The following ROBO2 variants were observed in gnomAD, a reference collection of about 807,000 sequenced individuals.
ROBO2 encodes roundabout homolog 2.
ROBO2 carries 53 observed loss-of-function variants against 160.8 expected under a neutral mutation model. The observed-to-expected ratio is 0.33, with a 90% CI of 0.26 to 0.41. The LOEUF (loss-of-function observed/expected upper bound fraction) is 0.41, where lower values mean the gene tolerates loss of function less well. ROBO2 is among the 10% of genes least tolerant of loss of function. The pLI is 1.00. For synonymous variants in ROBO2, 664 were observed against 611.7 expected (o/e 1.09, Z -1.26); for missense variants, 1,577 against 1,722.4 (o/e 0.92, Z 1.49).
chr3:76,212,214 T>C (rs1703189034), intron 2 of ROBO2, among the ~76,000 whole-genome samples: 1 of 152,024 alleles, frequency 6.6e-6, no homozygotes, highest in Non-Finnish European at 1.5e-5. Flanking sequence ...TCAGACATAA[T>C]TCTGTGTTTA....
chr3:76,590,627 T>C (rs1051132279), intron 2 of ROBO2, among the ~76,000 whole-genome samples: 1 of 152,144 alleles, frequency 6.6e-6, no homozygotes, highest in Admixed American at 6.5e-5. Flanking sequence ...ATCTGCTCAA[T>C]ACATTTTCAG....
chr3:75,987,990 G>GTT lies in ROBO2; in HGVS notation c.109+50394_109+50395dup, dbSNP rs35480220. 1.5e-3 allele frequency among the ~76,000 whole-genome samples: 226 copies of GTT among 151,718 alleles called. No individual in the cohort carries two copies. In the East Asian group the frequency reaches 0.017, roughly 11 times the overall value. ...AGATATTGGTCTGTTGTGTTTTCTT[G>GTT]TTTTTTTGTTTTTTGCAATGTCTTT... On this transcript the variant is annotated intron_variant, in intron 2 of 26. Coordinates refer to the ROBO2 transcript ENST00000487694.
At chr3:77,530,898 A>G (rs2153634597) in intron 6 of ROBO2, among the ~76,000 whole-genome samples, 1 of 152,156 alleles carries the variant, frequency 6.6e-6, no homozygotes, top group South Asian at 2.1e-4. Context: ...AATTGGGAAA[A>G]ATATCTTGCT....
chr3:77,627,868 AC>A (rs1209598445), intron 23 of ROBO2, among the ~76,000 whole-genome samples: 1 of 152,170 alleles, frequency 6.6e-6, no homozygotes, highest in Non-Finnish European at 1.5e-5. Flanking sequence ...TAAAGCACAG[AC>A]TTTAGCTTAA....
In ROBO2 at chr3:77,399,176, A is replaced by G. The variant is rs140084630; in HGVS notation, c.389-78238A>G. 3.2e-3 allele frequency among the ~76,000 whole-genome samples: 487 copies of G among 152,280 alleles called. 2 individuals carry two copies. The highest frequency in any genetic ancestry group is 0.011 in the African/African-American group (471 of 41,566). On this transcript the variant is annotated intron_variant, in intron 2 of 25. Coordinates refer to ENST00000461745, the Ensembl canonical transcript of ROBO2. ...AATACTTGGGGCAGTAAATGATTCT[A>G]GAAAGGCACTTAAAACAGTTAACTA...
intron 2 of ROBO2, among the ~76,000 whole-genome samples, chr3:76,859,101 A>G (rs2070456991): frequency 6.6e-6 from 1 of 152,198 alleles, no homozygotes; most frequent in South Asian, 2.1e-4. Flanking sequence ...TATGGGCATC[A>G]CTTGCATAAA....
In ROBO2 at chr3:77,106,532, T is replaced by C. The variant is rs540991279; in HGVS notation, c.388+8192T>C. Among the ~76,000 whole-genome samples the C allele has an allele frequency of 2.0e-5, 3 of 152,290 alleles. No individual in the cohort carries two copies. The East Asian group carries it at 5.8e-4, about 29-fold the overall frequency. On this transcript the variant is annotated intron_variant, in intron 2 of 25. Coordinates refer to ENST00000461745, the Ensembl canonical transcript of ROBO2. ...CAATTTCCCTTCTTTAGATCTATAA[T>C]TACTTAAGGAAGGTTACACTTCTTT...
intron 2 of ROBO2, among the ~76,000 whole-genome samples, chr3:76,317,520 A>T (rs2072135541): frequency 6.6e-6 from 1 of 152,166 alleles, no homozygotes; most frequent in Admixed American, 6.5e-5. Context: ...GGAATCTGGA[A>T]ACTGAACTGT....
intron 6 of ROBO2, among the ~76,000 whole-genome samples, chr3:77,537,108 G>C (rs112265095): frequency 0.017 from 2,450 of 140,850 alleles, 87 homozygotes; most frequent in African/African-American, 0.056. Flanking sequence ...GTGGGGGGGG[G>C]GTGTATTACA....
intron 2 of ROBO2, among the ~76,000 whole-genome samples, chr3:76,304,667 G>A (rs573746728): frequency 6.6e-6 from 1 of 152,150 alleles, no homozygotes; most frequent in African/African-American, 2.4e-5. Flanking sequence ...AGCTAAGTTT[G>A]CCCTGATGAT....
At chr3:76,521,912 A>C (rs2081640845) in intron 2 of ROBO2, among the ~76,000 whole-genome samples, 1 of 152,212 alleles carries the variant, frequency 6.6e-6, no homozygotes, top group African/African-American at 2.4e-5. Flanking sequence ...CCACGTGGCA[A>C]TATATTTCAC....
At chr3:77,409,815 T>C (rs139103557) in intron 2 of ROBO2, among the ~76,000 whole-genome samples, 5 of 152,250 alleles carry the variant, frequency 3.3e-5, no homozygotes, top group East Asian at 3.9e-4. Context: ...TTTCCAATTA[T>C]AAGACCAAGG....
intron 4 of ROBO2, among the ~76,000 whole-genome samples, chr3:77,492,399 G>C (rs369632271): frequency 1.6e-4 from 25 of 152,242 alleles, no homozygotes; most frequent in African/African-American, 5.8e-4. Flanking sequence ...GATAGGAAAA[G>C]ATTTTTATGG....
intron 20 of ROBO2, 94 bp from the exon 22 acceptor site, chr3:77,607,704 C>T (rs1468601256): frequency 2.8e-6 from 3 of 1,081,984 alleles, no homozygotes; most frequent in Admixed American, 1.8e-5. Flanking sequence ...CATACTGATT[C>T]TGGTGTTTTG....
Position 76,489,785 on chromosome 3 carries a change from TAA to T in ROBO2, c.109+552188_109+552189del, listed in dbSNP as rs1242454672. Among the ~76,000 whole-genome samples the T allele has an allele frequency of 9.9e-5, 15 of 152,040 alleles. No individual in the cohort carries two copies. The East Asian group carries it at 2.7e-3, about 27-fold the overall frequency. On this transcript the variant is annotated intron_variant, in intron 2 of 26. Coordinates refer to the ROBO2 transcript ENST00000487694. Reference sequence around the variant, plus strand: ...GTACATAAAGATATATGGTTTAAAATAAAAAAGATATTATAAATATTCTTTTA... The same window carrying T: ...GTACATAAAGATATATGGTTTAAAATAAAAGATATTATAAATATTCTTTTA...
At chr3:77,503,651 A>G (rs967237524) in intron 5 of ROBO2, among the ~76,000 whole-genome samples, 5 of 152,036 alleles carry the variant, frequency 3.3e-5, no homozygotes, top group Admixed American at 1.3e-4. Context: ...ATTTCCTGAT[A>G]ATGTTTGAAT....
At chr3:77,183,595 T>A (rs968928804) in intron 2 of ROBO2, among the ~76,000 whole-genome samples, 1 of 152,032 alleles carries the variant, frequency 6.6e-6, no homozygotes, top group Non-Finnish European at 1.5e-5. Flanking sequence ...CCCTTGATCT[T>A]GAACTTCTAG....
intron 2 of ROBO2, among the ~76,000 whole-genome samples, chr3:76,601,899 C>T (rs1037131074): frequency 1.3e-5 from 2 of 152,162 alleles, no homozygotes; most frequent in African/African-American, 4.8e-5. Context: ...GTTCGGCTTC[C>T]TGTATAAATC....
intron 2 of ROBO2, among the ~76,000 whole-genome samples, chr3:76,677,958 C>CGTTTTTTTTTTTTT (rs2092453861): frequency 3.4e-5 from 1 of 29,396 alleles, no homozygotes; most frequent in African/African-American, 1.3e-4. Context: ...AGAAAATATG[C>CGTTTTTTTTTTTTT]TTTTTTTTTT....
Sources: allele counts gnomAD v4.1 joint callset (sites outside exome capture counted in the v4.1 genomes callset), GRCh38; gene constraint gnomAD v4.1.1; transcripts MANE v1.5; gene names NCBI Gene and HGNC (gene_info 2026-07-23, HGNC 2026-07-21).